Variants in MACROD2 observed in about 807,000 individuals in gnomAD.
MACROD2 encodes ADP-ribose glycohydrolase MACROD2.
A neutral mutation model predicts 70.4 loss-of-function variants in MACROD2; 36 were observed. The observed-to-expected ratio is 0.51, with a 90% confidence interval of 0.39 to 0.68. The LOEUF (loss-of-function observed/expected upper bound fraction) is 0.68, where lower values mean the gene tolerates loss of function less well. Ranked by LOEUF, MACROD2 falls within the 30% of genes least tolerant of loss-of-function variation. The pLI, the probability that MACROD2 is intolerant of heterozygous loss-of-function variation, is 0.00. For synonymous variants in MACROD2, 172 were observed against 178.8 expected, an observed-to-expected ratio of 0.96 and a Z score of 0.30; for missense variants, 496 against 538.4, an observed-to-expected ratio of 0.92 and a Z score of 0.78.
chr20:15,503,063 T>C (rs1188345297), intron 8 of MACROD2, among the ~76,000 whole-genome samples: 1 of 152,234 alleles, frequency 6.6e-6, no homozygotes, highest in Non-Finnish European at 1.5e-5. Flanking sequence ...CCTTTTTGTA[T>C]GTTCAGAATA....
At chr20:15,429,561 C>T (rs1180273498) in intron 6 of MACROD2, among the ~76,000 whole-genome samples, 3 of 152,074 alleles carry the variant, frequency 2.0e-5, no homozygotes, top group South Asian at 2.1e-4. Context: ...AGGGAATAAA[C>T]AAACATAGGC....
In MACROD2 at chr20:15,352,197, C is replaced by A. The variant is rs536685329; in HGVS notation, c.541-79208C>A. On this transcript the variant is annotated intron_variant, in intron 6 of 17. Transcript: ENST00000684519. ...AAGGCTTGGCAGGATGAGAGCAGTG[C>A]AGAATTGATCACTTTACAGGACTTG... Among the ~76,000 whole-genome samples, 272 of 152,204 alleles carry A rather than the reference C, an allele frequency of 1.8e-3. 1 individual carries two copies. Among genetic ancestry groups the A allele is most frequent in the Non-Finnish European group, 3.5e-3 (237 of 68,002 alleles).
At position 15,570,227 on chromosome 20, in the gene MACROD2, C is replaced by T. The variant is rs118079709; in HGVS notation, c.645+70380C>T. Among the ~76,000 whole-genome samples the T allele has an allele frequency of 2.5e-3, 376 of 152,192 alleles. 1 individual carries two copies. The highest frequency in any genetic ancestry group is 3.9e-3 in the Non-Finnish European group (262 of 68,002). On this transcript the variant is annotated intron_variant, in intron 8 of 17. Transcript: ENST00000684519. ...TTGTCTTTCATATTTTTTATAATAG[C>T]CATTCAAGCAAATGTGAGGTTTTAA...
At chr20:15,007,300 G>A (rs975592176) in intron 5 of MACROD2, among the ~76,000 whole-genome samples, 1 of 151,956 alleles carries the variant, frequency 6.6e-6, no homozygotes, top group African/African-American at 2.4e-5. Context: ...GGAGTTGGAG[G>A]TTGCGGTGAG....
In MACROD2 at chr20:15,201,601, G is replaced by A. The variant is rs117793943; in HGVS notation, c.419-28339G>A. On this transcript the variant is annotated intron_variant, in intron 5 of 17. Transcript: ENST00000684519. ...ATGAAAGAAATTGAGATGGATAGTT[G>A]TTTCTCCTAGGAAACAACACTTTAT... Among the ~76,000 whole-genome samples, 1,154 of 152,300 alleles carry A rather than the reference G, an allele frequency of 7.6e-3. 14 individuals carry two copies. The highest frequency in any genetic ancestry group is 0.041 in the Middle Eastern group (12 of 294).
rs2073328613 is a variant in MACROD2 at position 14,862,017 on chromosome 20, A to ATATATATTTATATATATATTT, written c.418+177059_418+177060insATATATTTATATATATATTTT. ...TTTATATATATATTTATATATATATATTTATATATATTTATATATATTTAT... is the reference window on the plus strand; with the variant it reads ...TTTATATATATATTTATATATATATATATATATTTATATATATATTTTTTATATATATTTATATATATTTAT... On this transcript the variant is annotated intron_variant, in intron 5 of 17. Coordinates refer to ENST00000684519, the MANE Select transcript of MACROD2 (RefSeq NM_001351661.2). Among the ~76,000 whole-genome samples the ATATATATTTATATATATATTT allele has an allele frequency of 2.7e-4, 4 of 14,718 alleles. 1 individual carries two copies. The highest frequency in any genetic ancestry group is 6.9e-4 in the African/African-American group (4 of 5,830). The allele number at this position is 14,718 out of a possible 152,430, so 9.7% of individuals were successfully genotyped here. A position where few individuals can be genotyped will look rare whatever the true frequency, so the allele number is the denominator to read the frequency against.
intron 8 of MACROD2, among the ~76,000 whole-genome samples, chr20:15,506,354 G>A (rs143399410): frequency 6.6e-6 from 1 of 152,316 alleles, no homozygotes; most frequent in Non-Finnish European, 1.5e-5. Flanking sequence ...GGAATCCACT[G>A]TAGAAATGCA....
intron 3 of MACROD2, among the ~76,000 whole-genome samples, chr20:14,105,077 A>G (rs2054351128): frequency 6.6e-6 from 1 of 152,232 alleles, no homozygotes; most frequent in African/African-American, 2.4e-5. Context: ...TAAAATTTTT[A>G]TTTAAATAAT....
intron 15 of MACROD2, among the ~76,000 whole-genome samples, chr20:16,033,516 T>C (rs2147588566): frequency 6.6e-6 from 1 of 152,206 alleles, no homozygotes; most frequent in East Asian, 1.9e-4. Context: ...GTGATTCAGC[T>C]AGGTTTGTGT....
intron 3 of MACROD2, among the ~76,000 whole-genome samples, chr20:14,309,443 G>A (rs11087084): frequency 0.27 from 41,207 of 151,940 alleles, 5,824 homozygotes; most frequent in African/African-American, 0.33. Context: ...AGATATAATA[G>A]TCCTAAAGTG....
chr20:16,028,764 C>T (rs1184696024), intron 15 of MACROD2, among the ~76,000 whole-genome samples: 3 of 152,232 alleles, frequency 2.0e-5, no homozygotes, highest in South Asian at 2.1e-4. Context: ...TGTGTGTCTA[C>T]AGTGTTTGTC....
At chr20:14,088,203 C>T (rs1000432860) in intron 3 of MACROD2, among the ~76,000 whole-genome samples, 3 of 151,746 alleles carry the variant, frequency 2.0e-5, no homozygotes, top group Admixed American at 2.0e-4. Context: ...GTGGCGTGTG[C>T]CTGTAAGTCC....
intron 8 of MACROD2, among the ~76,000 whole-genome samples, chr20:15,627,248 A>T (rs1373613272): frequency 6.9e-6 from 1 of 145,670 alleles, no homozygotes; most frequent in African/African-American, 2.6e-5. Context: ...AAAAAAAAAA[A>T]CTGGGACCAT....
At position 14,792,931 on chromosome 20, in the gene MACROD2, A is replaced by G. The variant is rs909674202; in HGVS notation, c.418+107972A>G. Among the ~76,000 whole-genome samples, 7 of 152,216 alleles carry G rather than the reference A, an allele frequency of 4.6e-5. 1 individual carries two copies. The highest frequency in any genetic ancestry group is 1.9e-4 in the East Asian group (1 of 5,184). ...CAAATATTTACCGAGAAGCTACCAA[A>G]TAAAAGTTATTTTGGATTTTTTTTA... On this transcript the variant is annotated intron_variant, in intron 5 of 17. Transcript: ENST00000684519.
intron 3 of MACROD2, among the ~76,000 whole-genome samples, chr20:14,149,424 G>C (rs924129409): frequency 6.6e-6 from 1 of 151,948 alleles, no homozygotes; most frequent in Admixed American, 6.6e-5. Context: ...AGGTTGATTT[G>C]CTATTGTGAA....
intron 5 of MACROD2, among the ~76,000 whole-genome samples, chr20:15,015,711 A>G (rs993862946): frequency 3.3e-5 from 5 of 152,208 alleles, no homozygotes; most frequent in African/African-American, 1.2e-4. Flanking sequence ...ATGTTCTGGA[A>G]CTGATGTTCA....
At chr20:14,658,024 A>T (rs574121733) in intron 4 of MACROD2, among the ~76,000 whole-genome samples, 15 of 152,004 alleles carry the variant, frequency 9.9e-5, no homozygotes, top group Admixed American at 4.6e-4. Context: ...TAATTTCAAT[A>T]ACATATTTGT....
intron 5 of MACROD2, among the ~76,000 whole-genome samples, chr20:15,021,869 G>T (rs527432652): frequency 6.6e-6 from 1 of 151,912 alleles, no homozygotes; most frequent in African/African-American, 2.4e-5. Flanking sequence ...TATCAATACT[G>T]GTTCAGTAAC....
At chr20:14,477,290 T>A (rs1209791836) in intron 3 of MACROD2, among the ~76,000 whole-genome samples, 2 of 152,116 alleles carry the variant, frequency 1.3e-5, no homozygotes, top group Non-Finnish European at 2.9e-5. Flanking sequence ...GTGATGACTC[T>A]CTGGGCACTG....
Sources: gnomAD v4.1 joint callset for allele counts (sites outside exome capture counted in the v4.1 genomes callset) on GRCh38, gnomAD v4.1.1 for gene constraint, MANE v1.5 for transcripts, NCBI Gene and HGNC (gene_info 2026-07-23, HGNC 2026-07-21) for gene names.